The following DCP2 variants were observed in gnomAD, a reference collection of about 807,000 sequenced individuals.
DCP2 encodes decapping mRNA 2, also known as m7GpppN-mRNA hydrolase.
A neutral mutation model predicts 56.1 loss-of-function variants in DCP2; 30 were observed. The observed-to-expected ratio is 0.53, with a 90% CI of 0.40 to 0.73. DCP2 has a LOEUF of 0.73. Among genes scored for constraint, DCP2 ranks in the 30% least tolerant of loss-of-function variants. The pLI is 0.00. For missense variants in DCP2, 533 were observed against 502.7 expected, an observed-to-expected ratio of 1.06 and a Z score of -0.58; for synonymous variants, 197 against 163.3, an observed-to-expected ratio of 1.21 and a Z score of -1.57.
rs1031825173 is a variant in DCP2, at chr5:112,991,999, A to T, written c.206-122A>T. The T allele has an allele frequency of 4.2e-6, 6 of 1,426,024 alleles. No homozygotes were observed. The East Asian group carries it at 9.8e-5, about 23-fold the overall frequency. 88.3% of individuals were successfully genotyped at this position (1,426,024 alleles called of 1,614,324 possible). A position where few individuals can be genotyped will look rare whatever the true frequency, so the allele number is the denominator to read the frequency against. On this transcript the variant is annotated intron_variant, in intron 2 of 10. Transcript: ENST00000389063. ...GTGCCTGGCCAAAATGCTACACTTA[A>T]ATGAGGGAAGATTTGAATAATTTCA... is the stretch of plus-strand genomic sequence containing the variant.
intron 4 of DCP2, among the ~76,000 whole-genome samples, chr5:113,000,287 C>T (rs964201963): frequency 3.4e-5 from 5 of 146,470 alleles, no homozygotes; most frequent in East Asian, 4.1e-4. Context: ...TTACTGGTCT[C>T]GAACACCTGG....
At chr5:113,010,697 A>C in intron 9 of DCP2, 59 bp from the exon 10 acceptor site, 3 of 1,418,994 alleles carry the variant, frequency 2.1e-6, no homozygotes, top group Non-Finnish European at 2.8e-6. Context: ...TTAATAAGTG[A>C]AATAACTGGT....
At chr5:112,998,470 A>G (rs1748967032) in intron 4 of DCP2, among the ~76,000 whole-genome samples, 1 of 152,228 alleles carries the variant, frequency 6.6e-6, no homozygotes, top group African/African-American at 2.4e-5. Flanking sequence ...TAATACTTAT[A>G]TCATATTAAA....
chr5:112,992,783 A>T lies in DCP2; in HGVS notation c.432+13A>T. On this transcript the variant is annotated intron_variant, in intron 4 of 10. Coordinates refer to ENST00000389063, the MANE Select transcript of DCP2 (RefSeq NM_152624.6). ...TGCTGCTAGAGAGGTAAGTTATTCC[A>T]TTTTGATACACAGTAAATTTGGCTA... The T allele has an allele frequency of 2.6e-6, 4 of 1,551,802 alleles. No homozygotes were observed. Among genetic ancestry groups the T allele is most frequent in the Non-Finnish European group, 3.4e-6 (4 of 1,160,080 alleles).
intron 7 of DCP2, among the ~76,000 whole-genome samples, chr5:113,003,193 C>T (rs1373326934): frequency 1.3e-5 from 2 of 152,068 alleles, no homozygotes; most frequent in Non-Finnish European, 2.9e-5. Context: ...GTGATCTACC[C>T]TCCTTGGCCT....
chr5:112,981,049 G>A (rs781135044), intron 1 of DCP2, among the ~76,000 whole-genome samples: 1 of 151,806 alleles, frequency 6.6e-6, no homozygotes, highest in Non-Finnish European at 1.5e-5. Context: ...TAGAGACAGG[G>A]TCTTGCACCA....
At chr5:113,011,468 C>G (rs1370647896) in intron 10 of DCP2, among the ~76,000 whole-genome samples, 2 of 152,096 alleles carry the variant, frequency 1.3e-5, no homozygotes, top group Non-Finnish European at 2.9e-5. Flanking sequence ...AGACTTTTTT[C>G]TTAGGTGCTA....
chr5:113,004,066 T>G lies in DCP2; in HGVS notation c.931T>G (p.Leu311Val). 6.2e-7 allele frequency: 1 copy of G among 1,613,570 alleles called. No individual in the cohort carries two copies. Among genetic ancestry groups the G allele is most frequent in the Non-Finnish European group, 8.5e-7 (1 of 1,179,866 alleles). ...TAATCATTCTGAAATGTCTGACCTT[T>G]TAAAAGGAAAGGTGAGTGATACACA... ...YNNHSEMSDL[L>V]KGKNQSMRGN... Residue 311 changes from leucine to valine, a missense_variant, in exon 8 of 11, where the codon TTA (leucine) becomes GTA (valine). Transcript: ENST00000389063.
chr5:113,003,330 G>C (rs1412835915), intron 7 of DCP2, among the ~76,000 whole-genome samples: 1 of 152,126 alleles, frequency 6.6e-6, no homozygotes, highest in East Asian at 1.9e-4. Context: ...TCATTATCTT[G>C]TGCCCTTTAA....
At chr5:112,981,935 T>C (rs569235702) in intron 1 of DCP2, among the ~76,000 whole-genome samples, 1 of 152,196 alleles carries the variant, frequency 6.6e-6, no homozygotes, top group East Asian at 1.9e-4. Context: ...CACACCATTT[T>C]TTATATTTTT....
intron 4 of DCP2, among the ~76,000 whole-genome samples, chr5:112,996,077 T>G (rs1226041341): frequency 1.3e-5 from 2 of 152,186 alleles, no homozygotes; most frequent in Non-Finnish European, 2.9e-5. Context: ...TATCTCCAAA[T>G]ACAGTTACAT....
intron 9 of DCP2, among the ~76,000 whole-genome samples, chr5:113,010,323 G>C (rs1364299069): frequency 6.6e-6 from 1 of 151,220 alleles, no homozygotes; most frequent in African/African-American, 2.4e-5. Context: ...TGGGATTACA[G>C]CTGTGAGCCA....
rs571033444 is a variant in DCP2 at position 113,021,234 on chromosome 5, G to A, written c.*7750G>A. Among the ~76,000 whole-genome samples, 15 of 152,096 alleles carry A rather than the reference G, an allele frequency of 9.9e-5. No homozygotes were observed. The highest frequency in any genetic ancestry group is 1.3e-4 in the Admixed American group (2 of 15,282). On this transcript the variant is annotated 3_prime_UTR_variant, in exon 11 of 11. Transcript: ENST00000389063. ...ATTCAAAAATTAGCTGGGCGTGGTG[G>A]TGCGTGTCTGTAGTCCCAGCTACTT...
chr5:112,999,003 A>G (rs1748996793), intron 4 of DCP2, among the ~76,000 whole-genome samples: 1 of 152,202 alleles, frequency 6.6e-6, no homozygotes, highest in Non-Finnish European at 1.5e-5. Context: ...GATCCAATCC[A>G]TGCTTACTTG....
intron 2 of DCP2, among the ~76,000 whole-genome samples, chr5:112,987,874 TC>T (rs1361475014): frequency 1.3e-5 from 2 of 151,994 alleles, no homozygotes; most frequent in African/African-American, 2.4e-5. Context: ...TAAGCAGTCT[TC>T]CCGCATTTTT....
intron 1 of DCP2, among the ~76,000 whole-genome samples, chr5:112,979,472 T>C (rs1026775391): frequency 6.6e-6 from 1 of 152,212 alleles, no homozygotes; most frequent in Non-Finnish European, 1.5e-5. Context: ...TGAACTTCTT[T>C]GCTCTCTTTT....
intron 9 of DCP2, among the ~76,000 whole-genome samples, chr5:113,008,979 G>A (rs1468841067): frequency 6.6e-6 from 1 of 152,026 alleles, no homozygotes; most frequent in Non-Finnish European, 1.5e-5. Context: ...GAGTAGCTGG[G>A]ACTAGAGGTG....
chr5:112,999,698 C>T (rs1031171454), intron 4 of DCP2, among the ~76,000 whole-genome samples: 3 of 150,954 alleles, frequency 2.0e-5, no homozygotes, highest in Admixed American at 6.6e-5. Flanking sequence ...ATGGTGATCA[C>T]GGTTCACTGT....
At position 113,017,842 on chromosome 5, in the gene DCP2, A is replaced by G. The variant is rs1230174633; in HGVS notation, c.*4358A>G. ...TATATGAATATCTATATCTATATCT[A>G]TACATATATATGTATCGCCATTATC... is the stretch of plus-strand genomic sequence containing the variant. On this transcript the variant is annotated 3_prime_UTR_variant, in exon 11 of 11. Coordinates refer to ENST00000389063, the MANE Select transcript of DCP2 (RefSeq NM_152624.6). 2.0e-5 allele frequency: 3 copies of G among 152,268 alleles called. No individual in the cohort carries two copies. The highest frequency in any genetic ancestry group is 2.1e-4 in the South Asian group (1 of 4,830). 9.4% of individuals were successfully genotyped at this position (152,268 alleles called of 1,614,324 possible).
Sources: gnomAD v4.1 joint callset for allele counts (sites outside exome capture counted in the v4.1 genomes callset) on GRCh38, gnomAD v4.1.1 for gene constraint, MANE v1.5 for transcripts, NCBI Gene and HGNC (gene_info 2026-07-23, HGNC 2026-07-21) for gene names.